Variants in TMEM51 observed in about 807,000 individuals in gnomAD.
TMEM51 encodes chromosome 1 open reading frame 72.
Under a neutral mutation model 13.6 loss-of-function variants are expected in TMEM51, and 8 were observed. That is an observed-to-expected ratio of 0.59 (90% CI 0.35 to 1.07). TMEM51 has a LOEUF of 1.07. Among genes scored for constraint, TMEM51 ranks in the 50% least tolerant of loss-of-function variants. The pLI, the probability that TMEM51 is intolerant of heterozygous loss-of-function variation, is 0.02. For missense variants in TMEM51, 279 were observed against 330.7 expected (o/e 0.84, Z 1.21); for synonymous variants, 147 against 144.4 (o/e 1.02, Z -0.13).
At chr1:15,154,260 GGGCTTCGAACCCTT>G (rs1642509642) in intron 1 of TMEM51, among the ~76,000 whole-genome samples, 1 of 152,238 alleles carries the variant, frequency 6.6e-6, no homozygotes, top group African/African-American at 2.4e-5. Context: ...TCCGCCCGGC[GGGCTTCGAACCCTT>G]GGCTTCGCCA....
chr1:15,182,310 C>G (rs1375281351), intron 1 of TMEM51, among the ~76,000 whole-genome samples: 2 of 152,236 alleles, frequency 1.3e-5, no homozygotes, highest in Non-Finnish European at 2.9e-5. Flanking sequence ...GAATGTGTCA[C>G]TCTTCCTCTG....
chr1:15,164,852 G>A (rs1191766750), intron 1 of TMEM51, among the ~76,000 whole-genome samples: 1 of 140,388 alleles, frequency 7.1e-6, no homozygotes, highest in Non-Finnish European at 1.5e-5. Flanking sequence ...CGCCAGGCCA[G>A]AGTGCAGTGG....
chr1:15,165,305 CAA>C (rs986925638), intron 1 of TMEM51, among the ~76,000 whole-genome samples: 4 of 148,964 alleles, frequency 2.7e-5, no homozygotes, highest in African/African-American at 9.9e-5. Context: ...GACCCTGTCT[CAA>C]AAAAAAGAAG....
At chr1:15,173,592 G>A (rs1004507276) in intron 1 of TMEM51, among the ~76,000 whole-genome samples, 2 of 151,752 alleles carry the variant, frequency 1.3e-5, no homozygotes, top group African/African-American at 2.4e-5. Context: ...AAAGTCTTTA[G>A]AGTCTCAGTT....
intron 1 of TMEM51, chr1:15,168,548 C>G: frequency 1.5e-6 from 2 of 1,304,902 alleles, no homozygotes; most frequent in Non-Finnish European, 2.0e-6. Context: ...GATTTAACAG[C>G]ATAGGCTGTT....
At chr1:15,199,535 G>A (rs1387328868) in intron 1 of TMEM51, among the ~76,000 whole-genome samples, 1 of 152,176 alleles carries the variant, frequency 6.6e-6, no homozygotes, top group African/African-American at 2.4e-5. Flanking sequence ...GCAGCATCAT[G>A]TCTTGGCAGC....
rs569251396 is a variant in TMEM51 at position 15,179,651 on chromosome 1, G to A, written c.-267+25697G>A. On this transcript the variant is annotated intron_variant, in intron 1 of 3. Coordinates refer to ENST00000376008, the MANE Select transcript of TMEM51 (RefSeq NM_001136218.2). Reference sequence around the variant, plus strand: ...TATAAAAATTAGCGGGCGTGGTGGCGCATGCCTGTAACCTCAGCTACTTGG... The same window carrying A: ...TATAAAAATTAGCGGGCGTGGTGGCACATGCCTGTAACCTCAGCTACTTGG... 9.9e-5 allele frequency among the ~76,000 whole-genome samples: 15 copies of A among 152,174 alleles called. No individual in the cohort carries two copies. In the South Asian group the frequency reaches 1.5e-3, roughly 15 times the overall value.
At chr1:15,171,583 T>C (rs1176881868) in intron 1 of TMEM51, among the ~76,000 whole-genome samples, 3 of 152,108 alleles carry the variant, frequency 2.0e-5, no homozygotes, top group African/African-American at 7.2e-5. Flanking sequence ...GGCTCGAATG[T>C]GCTGGAACCC....
At chr1:15,209,243 TTATTATTATTATTATTATTAC>T (rs1488182579) in intron 1 of TMEM51, among the ~76,000 whole-genome samples, 1 of 148,920 alleles carries the variant, frequency 6.7e-6, no homozygotes, top group African/African-American at 2.5e-5. Flanking sequence ...CTCATTATTA[TTATTATTATTATTATTATTAC>T]TATTATTATT....
intron 1 of TMEM51, among the ~76,000 whole-genome samples, chr1:15,166,770 G>A (rs950450149): frequency 1.3e-5 from 2 of 152,078 alleles, no homozygotes; most frequent in African/African-American, 2.4e-5. Flanking sequence ...TTATATATAT[G>A]TATGTAATTT....
At chr1:15,185,565 G>A (rs866892591) in intron 1 of TMEM51, among the ~76,000 whole-genome samples, 3 of 152,206 alleles carry the variant, frequency 2.0e-5, no homozygotes, top group Non-Finnish European at 4.4e-5. Flanking sequence ...TTAATACACG[G>A]TTATGGCTTA....
At chr1:15,196,730 A>C (rs1015197370) in intron 1 of TMEM51, among the ~76,000 whole-genome samples, 5 of 152,226 alleles carry the variant, frequency 3.3e-5, no homozygotes, top group Non-Finnish European at 7.3e-5. Flanking sequence ...TTTCAAAAAA[A>C]TTGTTTTCCC....
At chr1:15,211,177 G>C (rs1644332932) in intron 2 of TMEM51, among the ~76,000 whole-genome samples, 1 of 152,162 alleles carries the variant, frequency 6.6e-6, no homozygotes, top group Non-Finnish European at 1.5e-5. Context: ...GTGAAACTTA[G>C]TATGATACAT....
chr1:15,172,964 A>G (rs964371869), intron 1 of TMEM51, among the ~76,000 whole-genome samples: 2 of 152,240 alleles, frequency 1.3e-5, no homozygotes, highest in Non-Finnish European at 2.9e-5. Flanking sequence ...TGTTTCAGGC[A>G]TCCACTGGGG....
intron 1 of TMEM51, among the ~76,000 whole-genome samples, chr1:15,155,225 G>A (rs960182082): frequency 4.0e-5 from 6 of 149,828 alleles, no homozygotes; most frequent in African/African-American, 1.5e-4. Flanking sequence ...CTTCGGAGCT[G>A]ACAGCTCTCT....
chr1:15,153,221 C>T (rs1489717444), upstream of TMEM51, among the ~76,000 whole-genome samples: 1 of 63,410 alleles, frequency 1.6e-5, no homozygotes, highest in Non-Finnish European at 3.8e-5. Flanking sequence ...GCGGTGGCCT[C>T]CCCAGGAAGG....
intron 1 of TMEM51, among the ~76,000 whole-genome samples, chr1:15,172,617 G>A (rs574708864): frequency 2.6e-5 from 4 of 152,252 alleles, no homozygotes; most frequent in Non-Finnish European, 5.9e-5. Flanking sequence ...CTGAGCAAGT[G>A]ACTTAACCCT....
At chr1:15,199,832 G>C (rs1644119714) in intron 1 of TMEM51, among the ~76,000 whole-genome samples, 1 of 151,902 alleles carries the variant, frequency 6.6e-6, no homozygotes, top group Non-Finnish European at 1.5e-5. Flanking sequence ...GGCAGAGGTG[G>C]GATTTAGTTC....
In TMEM51 at chr1:15,194,917, CTTT is replaced by C. The variant is rs34885407; in HGVS notation, c.-266-15552_-266-15550del. On this transcript the variant is annotated intron_variant, in intron 1 of 3. Transcript: ENST00000376008. The stretch of plus-strand genomic sequence containing the variant: ...AATTCAAGCCCCATATATAATTTTA[CTTT>C]TTTTTTTTTTTTTTTTTTTTGAGAC... Among the ~76,000 whole-genome samples the C allele has an allele frequency of 7.5e-3, 697 of 93,440 alleles. 2 individuals are homozygous for C. The highest frequency in any genetic ancestry group is 0.015 in the African/African-American group (374 of 24,508). The allele number at this position is 93,440 out of a possible 152,430, so 61.3% of individuals were successfully genotyped here.
Sources: allele counts gnomAD v4.1 joint callset (sites outside exome capture counted in the v4.1 genomes callset), GRCh38; gene constraint gnomAD v4.1.1; transcripts MANE v1.5; gene names NCBI Gene and HGNC (gene_info 2026-07-23, HGNC 2026-07-21).